CACNA1D: variants seen among roughly 807,000 people sequenced by gnomAD.
CACNA1D encodes the protein calcium voltage-gated channel subunit alpha1 D.
A neutral mutation model predicts 257.1 loss-of-function variants in CACNA1D; 55 were observed. That is an observed-to-expected ratio of 0.21 (90% CI 0.17 to 0.27). The LOEUF is 0.27. Among genes scored for constraint, CACNA1D ranks in the 10% least tolerant of loss-of-function variants. The pLI, the probability that CACNA1D is intolerant of heterozygous loss-of-function variation, is 1.00. For missense variants in CACNA1D, 1,876 were observed against 2,784.0 expected, an observed-to-expected ratio of 0.67 and a Z score of 7.34; for synonymous variants, 980 against 1,014.9, an observed-to-expected ratio of 0.97 and a Z score of 0.65.
intron 3 of CACNA1D, among the ~76,000 whole-genome samples, chr3:53,584,639 A>C (rs2093184608): frequency 6.6e-6 from 1 of 152,166 alleles, no homozygotes; most frequent in African/African-American, 2.4e-5. Context: ...TTATGGTCCC[A>C]TTTGTGTTGG....
intron 9 of CACNA1D, among the ~76,000 whole-genome samples, chr3:53,705,991 T>C (rs1041019411): frequency 1.5e-4 from 23 of 152,208 alleles, no homozygotes; most frequent in African/African-American, 4.8e-4. Context: ...GTGCATCTGA[T>C]TAGCAGGCAG....
chr3:53,612,066 A>T (rs943389980), intron 3 of CACNA1D, among the ~76,000 whole-genome samples: 4 of 152,218 alleles, frequency 2.6e-5, no homozygotes, highest in South Asian at 2.1e-4. Context: ...CATTTGATTT[A>T]AAAAAATATT....
chr3:53,751,932 A>G lies in CACNA1D; in HGVS notation c.3675+25A>G, dbSNP rs190312196. ...GGTAAAAATGGAGACAGCCGTGGGG[A>G]TCAGGTCCGGGCATTCCGCACAGCC... is the stretch of plus-strand genomic sequence containing the variant. On this transcript the variant is annotated intron_variant, in intron 28 of 47. Transcript: ENST00000350061. The surrounding 1 kb of genome is among the most constrained non-coding windows in gnomAD (Gnocchi z 4.3). The G allele has an allele frequency of 4.1e-5, 66 of 1,612,782 alleles. No homozygotes were observed. In the East Asian group the frequency reaches 1.0e-3, roughly 25 times the overall value.
At chr3:53,568,790 G>A (rs997629804) in intron 3 of CACNA1D, among the ~76,000 whole-genome samples, 1 of 152,040 alleles carries the variant, frequency 6.6e-6, no homozygotes, top group Non-Finnish European at 1.5e-5. Flanking sequence ...CTCTTTTCCT[G>A]TATGGCTAAA....
At chr3:53,772,720 T>G (rs1354432998) in intron 32 of CACNA1D, 113 bp from the exon 33 acceptor site, 8 of 790,936 alleles carry the variant, frequency 1.0e-5, no homozygotes, top group Middle Eastern at 5.3e-4. Flanking sequence ...TCTTTCACGG[T>G]AACACGTGGA....
At chr3:53,502,712 C>G (rs370499985) in intron 3 of CACNA1D, among the ~76,000 whole-genome samples, 1 of 152,062 alleles carries the variant, frequency 6.6e-6, no homozygotes, top group Non-Finnish European at 1.5e-5. Context: ...TTGCTAGTAT[C>G]GTTTTTACCT....
chr3:53,745,917 A>T, intron 25 of CACNA1D, 42 bp downstream of exon 25: 1 of 1,475,156 alleles, frequency 6.8e-7, no homozygotes, highest in Admixed American at 1.7e-5. Context: ...AGAAGAGCAA[A>T]TAGCAGACTT....
chr3:53,684,536 T>G (rs2094457800), intron 8 of CACNA1D, among the ~76,000 whole-genome samples: 1 of 147,266 alleles, frequency 6.8e-6, no homozygotes, highest in African/African-American at 2.5e-5. Context: ...GGCAGGAGAA[T>G]CGCTTGAACC....
At chr3:53,660,486 A>AT (rs2094192635) in intron 5 of CACNA1D, among the ~76,000 whole-genome samples, 1 of 152,128 alleles carries the variant, frequency 6.6e-6, no homozygotes, top group Non-Finnish European at 1.5e-5. Context: ...TGTCATTCTG[A>AT]TTTTGTGGAC....
At chr3:53,790,488 T>G (rs141190872) in intron 40 of CACNA1D, among the ~76,000 whole-genome samples, 1 of 152,394 alleles carries the variant, frequency 6.6e-6, no homozygotes, top group East Asian at 1.9e-4. Context: ...TCATCCCAGA[T>G]GGGAGCCTTT....
chr3:53,586,825 C>T (rs927056181), intron 3 of CACNA1D, among the ~76,000 whole-genome samples: 4 of 152,068 alleles, frequency 2.6e-5, no homozygotes. Flanking sequence ...AGACAGGCAT[C>T]GTGTTGAACT....
chr3:53,679,758 G>A (rs1377808975), intron 8 of CACNA1D: 3 of 152,218 alleles, frequency 2.0e-5, no homozygotes, highest in African/African-American at 2.4e-5. Flanking sequence ...GGTTTGAAGA[G>A]GCTAATACGT....
intron 4 of CACNA1D, among the ~76,000 whole-genome samples, chr3:53,655,557 A>G (rs1192359020): frequency 6.6e-6 from 1 of 152,200 alleles, no homozygotes; most frequent in Non-Finnish European, 1.5e-5. Flanking sequence ...GCACTTCTCT[A>G]ACGATCAGTA....
intron 3 of CACNA1D, among the ~76,000 whole-genome samples, chr3:53,586,652 T>C (rs1222530324): frequency 6.6e-6 from 1 of 152,166 alleles, no homozygotes; most frequent in Non-Finnish European, 1.5e-5. Flanking sequence ...TTTTAGACTA[T>C]CTTTACTTCT....
intron 3 of CACNA1D, among the ~76,000 whole-genome samples, chr3:53,557,397 G>T (rs1322895334): frequency 6.6e-6 from 1 of 152,050 alleles, no homozygotes; most frequent in Non-Finnish European, 1.5e-5. Context: ...GGGAGGCTGG[G>T]GCAGGAGAAT....
At chr3:53,779,326 C>G (rs1226582195) in intron 37 of CACNA1D, among the ~76,000 whole-genome samples, 1 of 152,038 alleles carries the variant, frequency 6.6e-6, no homozygotes, top group African/African-American at 2.4e-5. Flanking sequence ...TCCCAGAGTC[C>G]CCTAAGTGGT....
intron 5 of CACNA1D, 26 bp from the exon 6 acceptor site, chr3:53,665,634 A>G (rs1273962991): frequency 3.7e-6 from 6 of 1,606,564 alleles, no homozygotes; most frequent in African/African-American, 1.3e-5. Context: ...CTGGCTCACA[A>G]ACTTATTTTT....
intron 10 of CACNA1D, among the ~76,000 whole-genome samples, chr3:53,719,530 C>T (rs1056638023): frequency 5.3e-5 from 8 of 152,174 alleles, no homozygotes; most frequent in East Asian, 1.9e-4. Context: ...GGAATCTGGC[C>T]GAGTCTTCCC....
At chr3:53,672,447 T>C (rs2094331838) in intron 7 of CACNA1D, among the ~76,000 whole-genome samples, 1 of 152,230 alleles carries the variant, frequency 6.6e-6, no homozygotes. Context: ...TGGGTTTGGT[T>C]TCCTTGGGTA....
Sources: allele counts gnomAD v4.1 joint callset (sites outside exome capture counted in the v4.1 genomes callset), GRCh38; gene constraint gnomAD v4.1.1; non-coding constraint Gnocchi (gnomAD v3.1); transcripts MANE v1.5; gene names NCBI Gene and HGNC (gene_info 2026-07-23, HGNC 2026-07-21).